Variants in NRXN3 observed in about 807,000 individuals in gnomAD.
NRXN3 encodes neurexin III.
A neutral mutation model predicts 137.6 loss-of-function variants in NRXN3; 32 were observed. The ratio of observed to expected loss-of-function variants is 0.23; its 90% CI spans 0.18 to 0.31. NRXN3 has a LOEUF of 0.31. Ranked by LOEUF, NRXN3 falls within the 10% of genes least tolerant of loss-of-function variation. The pLI is 1.00. For missense variants in NRXN3, 1,574 were observed against 2,062.5 expected (o/e 0.76, Z 4.59); for synonymous variants, 798 against 784.5 (o/e 1.02, Z -0.29).
At chr14:78,549,956 A>G (rs1044224653) in intron 4 of NRXN3, among the ~76,000 whole-genome samples, 5 of 152,098 alleles carry the variant, frequency 3.3e-5, no homozygotes, top group Admixed American at 6.5e-5. Flanking sequence ...GTAACTTAGT[A>G]AAAAAGCACC....
At chr14:79,045,543 C>T (rs1240030159) in intron 15 of NRXN3, among the ~76,000 whole-genome samples, 1 of 152,036 alleles carries the variant, frequency 6.6e-6, no homozygotes, top group African/African-American at 2.4e-5. Context: ...CAAAGGGTTC[C>T]CATGGATGTT....
intron 6 of NRXN3, among the ~76,000 whole-genome samples, chr14:78,708,066 A>G (rs1012167286): frequency 7.2e-5 from 11 of 152,248 alleles, no homozygotes; most frequent in African/African-American, 2.7e-4. Flanking sequence ...GTAGATACCC[A>G]GTAGTGGGAT....
At chr14:79,344,550 A>G (rs1365228449) in intron 15 of NRXN3, among the ~76,000 whole-genome samples, 1 of 152,220 alleles carries the variant, frequency 6.6e-6, no homozygotes, top group Non-Finnish European at 1.5e-5. Flanking sequence ...TTTTTCTTTT[A>G]CATTTATTCA....
At chr14:78,192,127 T>A (rs1337075701) in intron 1 of NRXN3, among the ~76,000 whole-genome samples, 2 of 151,688 alleles carry the variant, frequency 1.3e-5, no homozygotes, top group East Asian at 3.9e-4. Context: ...AGCATACATG[T>A]GTGCAAGTGT....
chr14:79,053,321 G>C (rs1212515857), intron 15 of NRXN3, among the ~76,000 whole-genome samples: 1 of 152,166 alleles, frequency 6.6e-6, no homozygotes, highest in African/African-American at 2.4e-5. Flanking sequence ...TCTGCTTTTA[G>C]AGATAAGAAA....
chr14:79,098,620 G>A (rs1039916797), intron 15 of NRXN3, among the ~76,000 whole-genome samples: 3 of 152,130 alleles, frequency 2.0e-5, no homozygotes, highest in Non-Finnish European at 4.4e-5. Context: ...TGGCTTGAGA[G>A]TGTCTGATAC....
rs182324369 is a variant in NRXN3 at position 79,097,669 on chromosome 14, C to T, written c.3262+109528C>T. Among the ~76,000 whole-genome samples the T allele has an allele frequency of 1.5e-4, 23 of 152,160 alleles. No individual in the cohort carries two copies. In the East Asian group the frequency reaches 3.1e-3, roughly 20 times the overall value. ...TCTTATTTTCCAAATTGCATTCAATCGATATGGCAGAAATGAATACCCCTA... is the reference window on the plus strand; with the variant it reads ...TCTTATTTTCCAAATTGCATTCAATTGATATGGCAGAAATGAATACCCCTA... On this transcript the variant is annotated intron_variant, in intron 15 of 20. Coordinates refer to ENST00000335750, the MANE Select transcript of NRXN3 (RefSeq NM_001330195.2).
intron 19 of NRXN3, among the ~76,000 whole-genome samples, chr14:79,728,265 G>C (rs2098904290): frequency 6.6e-6 from 1 of 152,150 alleles, no homozygotes; most frequent in Non-Finnish European, 1.5e-5. Context: ...ATAGCCTATA[G>C]AGCCCCCAAC....
At chr14:78,673,058 T>C (rs966927050) in intron 6 of NRXN3, among the ~76,000 whole-genome samples, 1 of 152,254 alleles carries the variant, frequency 6.6e-6, no homozygotes, top group Non-Finnish European at 1.5e-5. Flanking sequence ...AGTGGTTAAT[T>C]ACCACATTAG....
rs149104714 is a variant in NRXN3, at chr14:78,703,285, G to A, written c.1222-5932G>A. On this transcript the variant is annotated intron_variant, in intron 6 of 20. Coordinates refer to ENST00000335750, the MANE Select transcript of NRXN3 (RefSeq NM_001330195.2). ...GAGTGAGTGGAGTGGACAGTTTAGCGGAGGGAGAAATCACAGCAGGCCCAA... is the reference window on the plus strand; with the variant it reads ...GAGTGAGTGGAGTGGACAGTTTAGCAGAGGGAGAAATCACAGCAGGCCCAA... 1.9e-3 allele frequency among the ~76,000 whole-genome samples: 288 copies of A among 152,296 alleles called. 2 individuals are homozygous for A. Among genetic ancestry groups the A allele is most frequent in the African/African-American group, 6.6e-3 (275 of 41,566 alleles).
At chr14:78,635,359 G>A (rs1460954860) in intron 4 of NRXN3, among the ~76,000 whole-genome samples, 2 of 152,074 alleles carry the variant, frequency 1.3e-5, no homozygotes, top group Non-Finnish European at 2.9e-5. Flanking sequence ...CCCAAATTCT[G>A]TAAACCTTCA....
intron 10 of NRXN3, among the ~76,000 whole-genome samples, chr14:78,845,905 G>T (rs1008426912): frequency 9.6e-5 from 14 of 146,236 alleles, no homozygotes; most frequent in Admixed American, 2.1e-4. Context: ...AGTATGTTGG[G>T]GTGTGTGTGT....
chr14:79,089,509 A>G (rs2048762881), intron 15 of NRXN3, among the ~76,000 whole-genome samples: 1 of 152,178 alleles, frequency 6.6e-6, no homozygotes, highest in Admixed American at 6.6e-5. Flanking sequence ...CTTGTTCAAC[A>G]GTTATTTCAT....
chr14:78,546,476 A>T (rs1467645117), intron 4 of NRXN3, among the ~76,000 whole-genome samples: 1 of 152,130 alleles, frequency 6.6e-6, no homozygotes, highest in Non-Finnish European at 1.5e-5. Context: ...TTGCCATCAA[A>T]TATGTTACTT....
At chr14:78,427,128 C>T (rs112762769) in intron 4 of NRXN3, among the ~76,000 whole-genome samples, 2 of 152,208 alleles carry the variant, frequency 1.3e-5, no homozygotes, top group East Asian at 1.9e-4. Flanking sequence ...TAGGAGGCAG[C>T]GGTGCCCCCA....
chr14:79,098,047 C>T (rs888577328), intron 15 of NRXN3, among the ~76,000 whole-genome samples: 1 of 152,142 alleles, frequency 6.6e-6, no homozygotes, highest in African/African-American at 2.4e-5. Flanking sequence ...GGGATGCTGC[C>T]TAAACCTACA....
At chr14:78,575,841 A>C (rs1267317838) in intron 4 of NRXN3, among the ~76,000 whole-genome samples, 6 of 152,206 alleles carry the variant, frequency 3.9e-5, no homozygotes, top group Non-Finnish European at 7.3e-5. Flanking sequence ...CAGGGACCAA[A>C]GCAAGATGTT....
At chr14:79,171,239 AGAAG>A (rs1260120046) in intron 15 of NRXN3, among the ~76,000 whole-genome samples, 8 of 152,150 alleles carry the variant, frequency 5.3e-5, no homozygotes, top group Non-Finnish European at 7.4e-5. Context: ...AAGGGCAAGT[AGAAG>A]GAAGGAAGTG....
At chr14:78,664,008 G>A (rs1300197349) in intron 6 of NRXN3, among the ~76,000 whole-genome samples, 1 of 152,204 alleles carries the variant, frequency 6.6e-6, no homozygotes, top group Admixed American at 6.5e-5. Context: ...TGTTCCTCAT[G>A]TGGAGAGTGT....
Sources: allele counts gnomAD v4.1 joint callset (sites outside exome capture counted in the v4.1 genomes callset), GRCh38; gene constraint gnomAD v4.1.1; transcripts MANE v1.5; gene names NCBI Gene and HGNC (gene_info 2026-07-23, HGNC 2026-07-21).